The following PTPRK variants were observed in gnomAD, a reference collection of about 807,000 sequenced individuals.
The protein encoded by PTPRK is receptor-type tyrosine-protein phosphatase kappa.
Under a neutral mutation model 178.0 loss-of-function variants are expected in PTPRK, and 75 were observed. The observed-to-expected ratio is 0.42, with a 90% CI of 0.35 to 0.51. PTPRK has a LOEUF of 0.51. Ranked by LOEUF, PTPRK falls within the 20% of genes least tolerant of loss-of-function variation. The pLI is 0.02. For synonymous variants in PTPRK, 637 were observed against 620.6 expected, an observed-to-expected ratio of 1.03 and a Z score of -0.39; for missense variants, 1,441 against 1,797.8, an observed-to-expected ratio of 0.80 and a Z score of 3.59.
chr6:128,274,242 A>C (rs771555294), intron 3 of PTPRK, among the ~76,000 whole-genome samples: 7 of 152,198 alleles, frequency 4.6e-5, no homozygotes, highest in Non-Finnish European at 8.8e-5. Flanking sequence ...TTACTGCCTT[A>C]AATTTCCTGA....
At chr6:128,511,047 G>A (rs1857104710) in intron 1 of PTPRK, among the ~76,000 whole-genome samples, 2 of 151,970 alleles carry the variant, frequency 1.3e-5, no homozygotes, top group African/African-American at 4.8e-5. Flanking sequence ...TTTAATGTTA[G>A]ACTAATTCAA....
intron 1 of PTPRK, among the ~76,000 whole-genome samples, chr6:128,488,055 G>T (rs1853225107): frequency 6.6e-6 from 1 of 152,132 alleles, no homozygotes; most frequent in South Asian, 2.1e-4. Flanking sequence ...AAGCAAGGAA[G>T]CCAGTCCAAG....
At chr6:128,295,656 G>A (rs1034812476) in intron 3 of PTPRK, among the ~76,000 whole-genome samples, 3 of 152,010 alleles carry the variant, frequency 2.0e-5, no homozygotes, top group African/African-American at 7.2e-5. Context: ...TTATAGTCAG[G>A]AGACCTAAAC....
intron 21 of PTPRK, among the ~76,000 whole-genome samples, chr6:127,990,436 T>G (rs1776473840): frequency 6.6e-6 from 1 of 152,094 alleles, no homozygotes; most frequent in Non-Finnish European, 1.5e-5. Context: ...TGTAAACCAT[T>G]TCTTACCCTG....
intron 2 of PTPRK, among the ~76,000 whole-genome samples, chr6:128,352,921 T>TA (rs908224693): frequency 2.6e-5 from 4 of 152,092 alleles, no homozygotes; most frequent in South Asian, 2.1e-4. Flanking sequence ...GTCAAAACAC[T>TA]AAAAAAACTG....
At chr6:128,243,788 C>A (rs1395326277) in intron 3 of PTPRK, among the ~76,000 whole-genome samples, 2 of 152,074 alleles carry the variant, frequency 1.3e-5, no homozygotes, top group Admixed American at 1.3e-4. Context: ...TTCCTTTATT[C>A]ATGGGGATAC....
intron 3 of PTPRK, among the ~76,000 whole-genome samples, chr6:128,246,119 G>C (rs1815413355): frequency 6.6e-6 from 1 of 152,086 alleles, no homozygotes; most frequent in Non-Finnish European, 1.5e-5. Flanking sequence ...AGTTTTATTT[G>C]CTTGTTTGTG....
At chr6:128,276,872 T>A (rs191252574) in intron 3 of PTPRK, among the ~76,000 whole-genome samples, 2 of 152,286 alleles carry the variant, frequency 1.3e-5, no homozygotes, top group East Asian at 3.9e-4. Context: ...TTTTTCCATG[T>A]GTCTCAACAA....
chr6:127,988,201 G>C (rs185718819), intron 21 of PTPRK, among the ~76,000 whole-genome samples: 2 of 151,836 alleles, frequency 1.3e-5, no homozygotes, highest in African/African-American at 4.8e-5. Context: ...GGAAGAGGGG[G>C]AAGAGAGGAA....
At chr6:128,319,001 T>C (rs4142383) in intron 3 of PTPRK, among the ~76,000 whole-genome samples, 152,151 of 152,276 alleles carry the variant, frequency 1, 76,013 homozygotes, top group Middle Eastern at 1. Context: ...GAAAAGGCAT[T>C]GATTGTTCTG....
chr6:128,010,761 T>C (rs1322324288), intron 13 of PTPRK, among the ~76,000 whole-genome samples: 2 of 151,236 alleles, frequency 1.3e-5, no homozygotes, highest in African/African-American at 4.8e-5. Flanking sequence ...TTATCTTATT[T>C]CAATTGCATA....
chr6:128,232,175 T>A (rs1173288500), intron 5 of PTPRK: 2 of 152,264 alleles, frequency 1.3e-5, no homozygotes, highest in African/African-American at 4.8e-5. Flanking sequence ...ACACACGACG[T>A]GCTTTCTGCC....
intron 2 of PTPRK, among the ~76,000 whole-genome samples, chr6:128,377,016 T>C (rs532405682): frequency 3.9e-5 from 6 of 152,306 alleles, no homozygotes; most frequent in South Asian, 4.1e-4. Context: ...TCTAGGGAGT[T>C]CCACACTTTC....
At chr6:128,432,288 T>C (rs1014987031) in intron 1 of PTPRK, among the ~76,000 whole-genome samples, 3 of 152,246 alleles carry the variant, frequency 2.0e-5, no homozygotes, top group Non-Finnish European at 2.9e-5. Flanking sequence ...TTAAAAAACC[T>C]GATACAATTA....
intron 7 of PTPRK, among the ~76,000 whole-genome samples, chr6:128,159,751 A>G (rs76955464): frequency 6.6e-6 from 1 of 151,878 alleles, no homozygotes; most frequent in East Asian, 1.9e-4. Context: ...AATAAAGTCT[A>G]TTTCTTCCAG....
At chr6:128,265,852 C>T (rs909704259) in intron 3 of PTPRK, among the ~76,000 whole-genome samples, 6 of 152,050 alleles carry the variant, frequency 3.9e-5, no homozygotes, top group South Asian at 2.1e-4. Flanking sequence ...ATCCCCAAAG[C>T]GATGGTATTA....
chr6:128,496,765 A>G (rs1004309160), intron 1 of PTPRK, among the ~76,000 whole-genome samples: 7 of 152,230 alleles, frequency 4.6e-5, no homozygotes, highest in Admixed American at 1.3e-4. Flanking sequence ...ATGAAAAGCA[A>G]AAGTGTTACA....
At chr6:128,039,637 T>C (rs2114830393) in intron 13 of PTPRK, among the ~76,000 whole-genome samples, 1 of 152,294 alleles carries the variant, frequency 6.6e-6, no homozygotes, top group South Asian at 2.1e-4. Context: ...TCTACCCAAA[T>C]GAAAAGTGAA....
intron 3 of PTPRK, among the ~76,000 whole-genome samples, chr6:128,248,410 T>C (rs1348526207): frequency 1.3e-5 from 2 of 152,170 alleles, no homozygotes; most frequent in Non-Finnish European, 2.9e-5. Flanking sequence ...CTTTGCCCTA[T>C]ACTTTCAACT....
Sources: allele counts gnomAD v4.1 joint callset (sites outside exome capture counted in the v4.1 genomes callset), GRCh38; gene constraint gnomAD v4.1.1; transcripts MANE v1.5; gene names NCBI Gene and HGNC (gene_info 2026-07-23, HGNC 2026-07-21).